The following C1D variants were observed in gnomAD, a reference collection of about 807,000 sequenced individuals.
C1D encodes C1D nuclear receptor corepressor.
In C1D, 10 loss-of-function variants were observed where a neutral mutation model predicts 17.5. That is an observed-to-expected ratio of 0.57 (90% CI 0.35 to 0.97). The LOEUF is 0.97. C1D is among the 50% of genes least tolerant of loss of function. The pLI is 0.01. For missense variants in C1D, 136 were observed against 160.1 expected (o/e 0.85, Z 0.81); for synonymous variants, 49 against 54.0 (o/e 0.91, Z 0.40).
At chr2:68,044,914 G>C (rs1671074917) in intron 4 of C1D, among the ~76,000 whole-genome samples, 1 of 152,082 alleles carries the variant, frequency 6.6e-6, no homozygotes. Flanking sequence ...TGTATGCAAA[G>C]TCTATATTAG....
chr2:68,062,113 C>T (rs1474648134), intron 1 of C1D, among the ~76,000 whole-genome samples: 1 of 152,184 alleles, frequency 6.6e-6, no homozygotes, highest in Non-Finnish European at 1.5e-5. Flanking sequence ...ACCCCATTTT[C>T]CATGTGATTC....
Position 68,044,509 on chromosome 2 carries a change from C to T in C1D, c.262-1456G>A, listed in dbSNP as rs557122460. 1.8e-3 allele frequency among the ~76,000 whole-genome samples: 279 copies of T among 152,300 alleles called. No homozygotes were observed. In the Middle Eastern group the frequency reaches 0.027, roughly 15 times the overall value. On this transcript the variant is annotated intron_variant, in intron 4 of 4. Coordinates refer to ENST00000410067, the MANE Select transcript of C1D (RefSeq NM_173177.3). ...AGATCACGAGGTCAGGAGATCGAGA[C>T]CATCCTGGCTAACATGGTGAAACCC...
intron 1 of C1D, among the ~76,000 whole-genome samples, chr2:68,054,102 T>A (rs539467218): frequency 2.5e-4 from 38 of 152,244 alleles, no homozygotes; most frequent in Non-Finnish European, 5.4e-4. Context: ...AAGGTGACTA[T>A]AACTCTCAAT....
Position 68,062,293 on chromosome 2 carries a change from T to C in C1D, c.-10+665A>G, listed in dbSNP as rs186903736. On this transcript the variant is annotated intron_variant, in intron 1 of 4. Coordinates refer to ENST00000410067, the MANE Select transcript of C1D (RefSeq NM_173177.3). ...TAATAAGTGGATAGCAAACATCTCA[T>C]TGCGACAAATACATCTTTATCAAGC... is the stretch of plus-strand genomic sequence containing the variant. 3.4e-3 allele frequency among the ~76,000 whole-genome samples: 511 copies of C among 152,348 alleles called. 1 individual carries two copies. The highest frequency in any genetic ancestry group is 0.012 in the African/African-American group (480 of 41,580).
At chr2:68,053,181 T>G in intron 1 of C1D, 1 of 1,550,436 alleles carries the variant, frequency 6.4e-7, no homozygotes, top group Non-Finnish European at 8.7e-7. Context: ...GAAAACTTGC[T>G]TCTCTTCACC....
chr2:68,054,137 G>A (rs546559206), intron 1 of C1D, among the ~76,000 whole-genome samples: 5 of 152,098 alleles, frequency 3.3e-5, no homozygotes, highest in African/African-American at 4.8e-5. Flanking sequence ...TCCACCTTAC[G>A]CCTGTTGTTT....
chr2:68,053,336 G>GCAT, intron 1 of C1D: 1 of 948,424 alleles, frequency 1.1e-6, no homozygotes, highest in Non-Finnish European at 1.5e-6. Flanking sequence ...AGAGTGCATA[G>GCAT]CATCACATAC....
At chr2:68,058,340 T>TACA (rs1182039904) in intron 1 of C1D, among the ~76,000 whole-genome samples, 1 of 152,186 alleles carries the variant, frequency 6.6e-6, no homozygotes, top group Non-Finnish European at 1.5e-5. Flanking sequence ...AATATAAAAT[T>TACA]ACAACAGTAA....
chr2:68,060,310 A>G (rs769565899), intron 1 of C1D, among the ~76,000 whole-genome samples: 3 of 152,074 alleles, frequency 2.0e-5, no homozygotes, highest in Non-Finnish European at 4.4e-5. Flanking sequence ...CCCACAGCAA[A>G]CTATTCTTAA....
intron 1 of C1D, among the ~76,000 whole-genome samples, chr2:68,052,230 A>C (rs1671306704): frequency 6.6e-6 from 1 of 152,198 alleles, no homozygotes; most frequent in African/African-American, 2.4e-5. Context: ...GTATATACAT[A>C]CATGTAGAAA....
rs984736654 is a variant in C1D at position 68,041,290 on chromosome 2, A to G, written c.*1599T>C. 6.6e-6 allele frequency: 1 copy of G among 152,042 alleles called. No individual in the cohort carries two copies. Among genetic ancestry groups the G allele is most frequent in the East Asian group, 1.9e-4 (1 of 5,204 alleles). 9.4% of individuals were successfully genotyped at this position (152,042 alleles called of 1,614,324 possible). On this transcript the variant is annotated 3_prime_UTR_variant, in exon 5 of 5. Coordinates refer to ENST00000410067, the MANE Select transcript of C1D (RefSeq NM_173177.3). ...AGAGGTGCACTTTCATAAACCAATA[A>G]CTTAGCTAAAACCAATAATGATTTT... is the stretch of plus-strand genomic sequence containing the variant.
chr2:68,055,467 A>G (rs371113094), intron 1 of C1D, among the ~76,000 whole-genome samples: 63 of 150,878 alleles, frequency 4.2e-4, no homozygotes, highest in African/African-American at 1.5e-3. Flanking sequence ...ACAAGTCAAC[A>G]GCATGAAGCA....
In C1D at chr2:68,046,342, A is replaced by T; in HGVS notation, c.205+2T>A. On this transcript the variant is annotated splice_donor_variant, in intron 3 of 4. Coordinates refer to ENST00000410067, the MANE Select transcript of C1D (RefSeq NM_173177.3). LOFTEE classifies it high-confidence loss of function. The stretch of plus-strand genomic sequence containing the variant: ...TAATTAATTCCAAAGTAACACACAT[A>T]CCCCAAAACATTGAATTTAATGTGT... 1 of 1,606,376 alleles carries T rather than the reference A, an allele frequency of 6.2e-7. No homozygotes were observed. The highest frequency in any genetic ancestry group is 8.5e-7 in the Non-Finnish European group (1 of 1,174,578).
intron 1 of C1D, among the ~76,000 whole-genome samples, chr2:68,061,676 G>A (rs1671633418): frequency 6.6e-6 from 1 of 152,172 alleles, no homozygotes; most frequent in East Asian, 1.9e-4. Context: ...CAATACATTA[G>A]ATAGTATTTT....
intron 1 of C1D, among the ~76,000 whole-genome samples, chr2:68,047,849 T>C (rs1671175935): frequency 6.6e-6 from 1 of 152,230 alleles, no homozygotes; most frequent in African/African-American, 2.4e-5. Context: ...CAATTAAAGT[T>C]TGATAAATAG....
intron 1 of C1D, among the ~76,000 whole-genome samples, chr2:68,052,889 A>G (rs370509284): frequency 4.1e-4 from 62 of 152,248 alleles, no homozygotes; most frequent in African/African-American, 1.4e-3. Flanking sequence ...TGACTCTACG[A>G]TATCAGCAGC....
intron 1 of C1D, among the ~76,000 whole-genome samples, chr2:68,057,845 T>C (rs1671483601): frequency 6.6e-6 from 1 of 152,188 alleles, no homozygotes; most frequent in Non-Finnish European, 1.5e-5. Context: ...CTAAATTGTC[T>C]AGCCACCAGG....
intron 2 of C1D, among the ~76,000 whole-genome samples, chr2:68,046,931 G>T (rs1021000034): frequency 1.4e-5 from 2 of 148,142 alleles, no homozygotes; most frequent in African/African-American, 5.2e-5. Flanking sequence ...CTGTCAAAAA[G>T]AATACCGTGA....
chr2:68,061,655 C>G (rs1391319885), intron 1 of C1D, among the ~76,000 whole-genome samples: 1 of 152,156 alleles, frequency 6.6e-6, no homozygotes, highest in Non-Finnish European at 1.5e-5. Flanking sequence ...GGGCCTGGCT[C>G]AGTTAGCACT....
Sources: allele counts gnomAD v4.1 joint callset (sites outside exome capture counted in the v4.1 genomes callset), GRCh38; gene constraint gnomAD v4.1.1; transcripts MANE v1.5; gene names NCBI Gene and HGNC (gene_info 2026-07-23, HGNC 2026-07-21).